Variants in NFIB observed in about 807,000 individuals in gnomAD.
NFIB encodes the protein nuclear factor 1 B-type.
NFIB carries 11 observed loss-of-function variants against 61.5 expected under a neutral mutation model. The observed-to-expected ratio is 0.18, with a 90% CI of 0.11 to 0.30. The LOEUF (loss-of-function observed/expected upper bound fraction) is 0.30. Among genes scored for constraint, NFIB ranks in the 10% least tolerant of loss-of-function variants. NFIB has a pLI of 1.00. For synonymous variants in NFIB, 260 were observed against 216.5 expected, an observed-to-expected ratio of 1.20 and a Z score of -1.76; for missense variants, 471 against 608.9, an observed-to-expected ratio of 0.77 and a Z score of 2.38.
the NFIB span, among the ~76,000 whole-genome samples, chr9:14,519,617 C>T: frequency 2.6e-5 from 4 of 152,054 alleles, no homozygotes; most frequent in African/African-American, 9.7e-5. Context: ...CATTTTACTG[C>T]GGTGCGTTGT....
At chr9:14,367,837 C>A (rs754305612) in intron 1 of NFIB, among the ~76,000 whole-genome samples, 3 of 152,116 alleles carry the variant, frequency 2.0e-5, no homozygotes, top group African/African-American at 4.8e-5. Context: ...AATGGGAACA[C>A]ATGGACACAC....
intron 2 of NFIB, among the ~76,000 whole-genome samples, chr9:14,244,201 T>C (rs561993378): frequency 6.6e-6 from 1 of 152,336 alleles, no homozygotes; most frequent in African/African-American, 2.4e-5. Flanking sequence ...TGCTTAAAGA[T>C]ATTCAGGATT....
At chr9:14,375,013 C>T (rs1033428507) in intron 1 of NFIB, among the ~76,000 whole-genome samples, 3 of 152,270 alleles carry the variant, frequency 2.0e-5, no homozygotes, top group East Asian at 1.9e-4. Flanking sequence ...ATGAATGTCA[C>T]GTTTATTTTA....
chr9:14,284,217 G>C (rs1255852435), intron 2 of NFIB, among the ~76,000 whole-genome samples: 1 of 152,056 alleles, frequency 6.6e-6, no homozygotes, highest in African/African-American at 2.4e-5. Context: ...TAATTAATGG[G>C]GGGAATGGGA....
chr9:14,379,558 C>A (rs987449792), intron 1 of NFIB, among the ~76,000 whole-genome samples: 21 of 152,080 alleles, frequency 1.4e-4, no homozygotes, highest in Non-Finnish European at 2.9e-4. Flanking sequence ...TCTCAAAGTC[C>A]TTATGTCACT....
chr9:14,175,123 T>C (rs2046017903), intron 3 of NFIB, among the ~76,000 whole-genome samples: 1 of 151,364 alleles, frequency 6.6e-6, no homozygotes, highest in South Asian at 2.1e-4. Context: ...TAAAATAACA[T>C]TGGAGAGAGA....
chr9:14,286,668 A>T (rs1213516871), intron 2 of NFIB, among the ~76,000 whole-genome samples: 2 of 152,214 alleles, frequency 1.3e-5, no homozygotes, highest in Admixed American at 1.3e-4. Flanking sequence ...ATTCTTCTTA[A>T]ACTGTCTCTC....
chr9:14,255,966 C>T lies in NFIB; in HGVS notation c.562+51023G>A, dbSNP rs571439408. 4.6e-5 allele frequency among the ~76,000 whole-genome samples: 7 copies of T among 152,330 alleles called. No individual in the cohort carries two copies. In the South Asian group the frequency reaches 1.5e-3, roughly 32 times the overall value. On this transcript the variant is annotated intron_variant, in intron 2 of 10. Coordinates refer to ENST00000380953, the MANE Select transcript of NFIB (RefSeq NM_001190737.2). Reference sequence around the variant, plus strand: ...GAAATACAAAACACTGTACTCAAGGCACCTAGTTTAAATCCACCACCTATT... The same window carrying T: ...GAAATACAAAACACTGTACTCAAGGTACCTAGTTTAAATCCACCACCTATT...
At chr9:14,477,340 C>A in the NFIB span, among the ~76,000 whole-genome samples, 1 of 152,146 alleles carries the variant, frequency 6.6e-6, no homozygotes, top group Non-Finnish European at 1.5e-5. Context: ...TCTGAAGTGA[C>A]GGTAGGTATT....
chr9:14,220,818 T>C (rs2051546921), intron 2 of NFIB, among the ~76,000 whole-genome samples: 1 of 147,810 alleles, frequency 6.8e-6, no homozygotes, highest in Non-Finnish European at 1.5e-5. Flanking sequence ...GTTTCTGCTC[T>C]ATATCCAGTG....
intron 2 of NFIB, among the ~76,000 whole-genome samples, chr9:14,301,799 G>A (rs1277772063): frequency 6.6e-6 from 1 of 152,178 alleles, no homozygotes; most frequent in African/African-American, 2.4e-5. Context: ...TTTCTTATCA[G>A]TGAGAAAATT....
chr9:14,313,488 G>A lies in NFIB; in HGVS notation c.24C>T (p.Leu8=). 2.5e-6 allele frequency: 4 copies of A among 1,614,052 alleles called. No individual in the cohort carries two copies. The highest frequency in any genetic ancestry group is 3.4e-6 in the Non-Finnish European group (4 of 1,179,960). The change falls in exon 1 of 11, where the codon CTC becomes CTT. Residue 8 remains leucine (L), a synonymous_variant. Coordinates refer to ENST00000380953, the MANE Select transcript of NFIB (RefSeq NM_001190737.2). The surrounding 1 kb of genome is among the most constrained non-coding windows in gnomAD (Gnocchi z 4.5). MMYSPIC[L]TQDEFHPFIE... ...AAGCGACCGAGACATGTACCTGAGTGAGACAGATGGGAGAATACATCATGA... is the reference window on the plus strand; with the variant it reads ...AAGCGACCGAGACATGTACCTGAGTAAGACAGATGGGAGAATACATCATGA...
intron 3 of NFIB, among the ~76,000 whole-genome samples, chr9:14,162,780 G>C (rs1350480433): frequency 1.3e-5 from 2 of 151,928 alleles, no homozygotes; most frequent in African/African-American, 4.8e-5. Flanking sequence ...CTAATGTTGA[G>C]ATAAATTTTA....
chr9:14,237,959 G>A (rs969203981), intron 2 of NFIB, among the ~76,000 whole-genome samples: 4 of 150,502 alleles, frequency 2.7e-5, no homozygotes, highest in East Asian at 4.0e-4. Flanking sequence ...TGAGGCTTAC[G>A]GTCTAGGAGG....
At chr9:14,316,556 T>C (rs2060545507), upstream of NFIB, among the ~76,000 whole-genome samples, 1 of 152,234 alleles carries the variant, frequency 6.6e-6, no homozygotes, top group Non-Finnish European at 1.5e-5. Flanking sequence ...TTTCTTCTTT[T>C]TGAAAAGCTG....
At chr9:14,391,225 A>G (rs1351903067) in intron 1 of NFIB, among the ~76,000 whole-genome samples, 2 of 152,188 alleles carry the variant, frequency 1.3e-5, no homozygotes, top group Non-Finnish European at 2.9e-5. Flanking sequence ...ATTATCAGTG[A>G]TAAATCATGA....
intron 3 of NFIB, among the ~76,000 whole-genome samples, chr9:14,161,045 G>A (rs986873248): frequency 2.0e-5 from 3 of 152,048 alleles, no homozygotes; most frequent in Non-Finnish European, 4.4e-5. Flanking sequence ...TTAAAAGAAG[G>A]CTTAATTCTT....
At chr9:14,292,745 A>T (rs1162206343) in intron 2 of NFIB, among the ~76,000 whole-genome samples, 1 of 152,202 alleles carries the variant, frequency 6.6e-6, no homozygotes, top group African/African-American at 2.4e-5. Context: ...TACATCAGTA[A>T]ACAAAGGAAT....
the NFIB span, among the ~76,000 whole-genome samples, chr9:14,479,596 A>G: frequency 1.3e-5 from 2 of 152,246 alleles, no homozygotes; most frequent in East Asian, 3.9e-4. Context: ...GAATGGAAAC[A>G]GGAGATCTGA....
Sources: gnomAD v4.1 joint callset for allele counts (sites outside exome capture counted in the v4.1 genomes callset) on GRCh38, gnomAD v4.1.1 for gene constraint, Gnocchi (gnomAD v3.1) non-coding constraint, MANE v1.5 for transcripts, NCBI Gene and HGNC (gene_info 2026-07-23, HGNC 2026-07-21) for gene names.